Variants in NKAIN3 observed in about 807,000 individuals in gnomAD.
NKAIN3 encodes sodium/potassium transporting ATPase interacting 3.
Under a neutral mutation model 30.2 loss-of-function variants are expected in NKAIN3, and 25 were observed. That is an observed-to-expected ratio of 0.83 (90% confidence interval 0.60 to 1.16). The LOEUF is 1.16. NKAIN3 is among the 50% of genes most tolerant of loss of function. The pLI, the probability that NKAIN3 is intolerant of heterozygous loss-of-function variation, is 0.00. For synonymous variants in NKAIN3, 91 were observed against 89.6 expected, an observed-to-expected ratio of 1.02 and a Z score of -0.09; for missense variants, 225 against 254.1, an observed-to-expected ratio of 0.89 and a Z score of 0.78.
chr8:62,329,293 A>G (rs1157962522), intron 1 of NKAIN3, among the ~76,000 whole-genome samples: 1 of 152,136 alleles, frequency 6.6e-6, no homozygotes, highest in Non-Finnish European at 1.5e-5. Context: ...TTTTCTATAC[A>G]GCAATCATTA....
At chr8:62,540,549 G>T (rs1305132964) in intron 1 of NKAIN3, among the ~76,000 whole-genome samples, 1 of 151,956 alleles carries the variant, frequency 6.6e-6, no homozygotes, top group African/African-American at 2.4e-5. Context: ...GTATAAATTG[G>T]TCAATATGTT....
At chr8:62,589,881 G>GTGTGTC (rs1367362562) in intron 3 of NKAIN3, 87 bp downstream of exon 3, 88 of 92,168 alleles carry the variant, frequency 9.5e-4, no homozygotes, top group Non-Finnish European at 2.1e-3. Context: ...TATATTGTGT[G>GTGTGTC]TGTGTGTGTG....
chr8:62,626,937 T>G (rs1410082951), intron 3 of NKAIN3, among the ~76,000 whole-genome samples: 1 of 152,152 alleles, frequency 6.6e-6, no homozygotes, highest in African/African-American at 2.4e-5. Flanking sequence ...AGCAAGTTTT[T>G]AAAGGCATTT....
intron 5 of NKAIN3, chr8:62,990,738 A>G (rs920804811): frequency 6.6e-6 from 1 of 152,262 alleles, no homozygotes; most frequent in African/African-American, 2.4e-5. Context: ...TACACCAAAC[A>G]GACACAATCG....
At chr8:62,581,761 C>T (rs1810299815) in intron 2 of NKAIN3, among the ~76,000 whole-genome samples, 1 of 140,710 alleles carries the variant, frequency 7.1e-6, no homozygotes, top group Non-Finnish European at 1.5e-5. Flanking sequence ...CCCTTCTTTC[C>T]TTCCTTCCTC....
At chr8:62,798,139 A>G (rs142282832) in intron 4 of NKAIN3, among the ~76,000 whole-genome samples, 1 of 152,130 alleles carries the variant, frequency 6.6e-6, no homozygotes, top group African/African-American at 2.4e-5. Flanking sequence ...CCAAGCAGAC[A>G]ATTCCTCATG....
chr8:62,619,002 T>C (rs1811545077), intron 3 of NKAIN3, among the ~76,000 whole-genome samples: 1 of 152,158 alleles, frequency 6.6e-6, no homozygotes, highest in Admixed American at 6.5e-5. Context: ...TCCACCATGG[T>C]GCTGTTGGGT....
intron 5 of NKAIN3, among the ~76,000 whole-genome samples, chr8:62,921,141 T>C (rs141792089): frequency 1.3e-5 from 2 of 152,306 alleles, no homozygotes; most frequent in Admixed American, 6.5e-5. Context: ...GGAAGACATG[T>C]CCTTTGAATT....
chr8:62,494,009 C>T (rs1489529309), intron 1 of NKAIN3, among the ~76,000 whole-genome samples: 1 of 152,084 alleles, frequency 6.6e-6, no homozygotes, highest in Non-Finnish European at 1.5e-5. Context: ...TTCCTATGCC[C>T]TTTATTTCTT....
intron 1 of NKAIN3, among the ~76,000 whole-genome samples, chr8:62,382,675 C>A (rs1427912259): frequency 6.6e-6 from 1 of 152,080 alleles, no homozygotes; most frequent in Non-Finnish European, 1.5e-5. Flanking sequence ...TCTGGCACTG[C>A]TTCTTCTATG....
rs191537159 is a variant in NKAIN3, at chr8:62,715,573, T to A, written c.274-31359T>A. On this transcript the variant is annotated intron_variant, in intron 3 of 6. Transcript: ENST00000623646. ...CTGCAAGGTCAACATAATGATATTA[T>A]CTATGCTGTCGGTGTTGTGAGGATT... Among the ~76,000 whole-genome samples, 3 of 152,292 alleles carry A rather than the reference T, an allele frequency of 2.0e-5. No homozygotes were observed. In the East Asian group the frequency reaches 5.8e-4, roughly 29 times the overall value.
intron 4 of NKAIN3, among the ~76,000 whole-genome samples, chr8:62,802,807 GAC>G (rs1419732993): frequency 1.3e-5 from 2 of 152,116 alleles, no homozygotes; most frequent in Non-Finnish European, 2.9e-5. Context: ...CCATTTAAAA[GAC>G]ACACACTGGC....
intron 1 of NKAIN3, among the ~76,000 whole-genome samples, chr8:62,271,617 G>A (rs779718303): frequency 6.6e-6 from 1 of 152,142 alleles, no homozygotes; most frequent in Non-Finnish European, 1.5e-5. Context: ...ATAGACTCAT[G>A]TTAGCTGTTT....
chr8:62,515,313 G>T (rs1807950351), intron 1 of NKAIN3, among the ~76,000 whole-genome samples: 1 of 152,114 alleles, frequency 6.6e-6, no homozygotes, highest in Non-Finnish European at 1.5e-5. Context: ...TGTGCAACAT[G>T]ATGTGATATA....
intron 4 of NKAIN3, among the ~76,000 whole-genome samples, chr8:62,779,350 C>G (rs187538176): frequency 1.3e-5 from 2 of 152,238 alleles, no homozygotes; most frequent in African/African-American, 4.8e-5. Context: ...AGCACTCACC[C>G]TTCAATGGCA....
chr8:62,249,442 C>G lies in NKAIN3; in HGVS notation c.54+315C>G, dbSNP rs573549909. The stretch of plus-strand genomic sequence containing the variant: ...CCGGCGGAGTGAGGGATTTTCCCGC[C>G]CCTTGATCCGATACCTGGTTTAGCA... On this transcript the variant is annotated intron_variant, in intron 1 of 6. Coordinates refer to ENST00000623646, the MANE Select transcript of NKAIN3 (RefSeq NM_001304533.3). 5.4e-4 allele frequency among the ~76,000 whole-genome samples: 82 copies of G among 152,358 alleles called. 1 individual carries two copies. Among genetic ancestry groups the G allele is most frequent in the African/African-American group, 1.9e-3 (77 of 41,594 alleles).
chr8:62,277,847 A>G (rs1813017369), intron 1 of NKAIN3, among the ~76,000 whole-genome samples: 1 of 152,210 alleles, frequency 6.6e-6, no homozygotes, highest in African/African-American at 2.4e-5. Context: ...ATCACTGGAT[A>G]AAATAGATGA....
chr8:62,365,078 A>G (rs751324939), intron 1 of NKAIN3, among the ~76,000 whole-genome samples: 2 of 152,188 alleles, frequency 1.3e-5, no homozygotes, highest in Non-Finnish European at 2.9e-5. Flanking sequence ...AATGGACAGC[A>G]TCTAGAAATC....
intron 5 of NKAIN3, among the ~76,000 whole-genome samples, chr8:62,943,517 G>T (rs574138292): frequency 2.0e-4 from 31 of 152,110 alleles, no homozygotes; most frequent in South Asian, 6.2e-4. Context: ...TCTGCCATTT[G>T]ATCCAGCAAT....
Sources: allele counts gnomAD v4.1 joint callset (sites outside exome capture counted in the v4.1 genomes callset), GRCh38; gene constraint gnomAD v4.1.1; transcripts MANE v1.5; gene names NCBI Gene and HGNC (gene_info 2026-07-23, HGNC 2026-07-21).